Variants in C19orf38 observed in about 807,000 individuals in gnomAD.
The protein encoded by C19orf38 is protein HIDE1.
C19orf38 carries 14 observed loss-of-function variants against 26.6 expected under a neutral mutation model. The observed-to-expected ratio is 0.53, with a 90% CI of 0.35 to 0.82. C19orf38 has a LOEUF of 0.82. Ranked by LOEUF, C19orf38 falls within the 40% of genes least tolerant of loss-of-function variation. The pLI is 0.01. For missense variants in C19orf38, 261 were observed against 299.5 expected, an observed-to-expected ratio of 0.87 and a Z score of 0.95; for synonymous variants, 132 against 128.5, an observed-to-expected ratio of 1.03 and a Z score of -0.18.
At chr19:10,866,357 A>AT (rs71164128) in intron 6 of C19orf38, among the ~76,000 whole-genome samples, 29,699 of 125,574 alleles carry the variant, frequency 0.24, 3,808 homozygotes, top group Non-Finnish European at 0.3. Flanking sequence ...TGCCCAGCTA[A>AT]TTTTTTTTTT....
At chr19:10,857,706 C>A (rs1304804084) in intron 3 of C19orf38, among the ~76,000 whole-genome samples, 1 of 151,280 alleles carries the variant, frequency 6.6e-6, no homozygotes, top group Non-Finnish European at 1.5e-5. Flanking sequence ...TATGGTGAAA[C>A]CCCATCTCTA....
chr19:10,867,988 G>A (rs1195893652), intron 6 of C19orf38, among the ~76,000 whole-genome samples: 1 of 152,068 alleles, frequency 6.6e-6, no homozygotes, highest in African/African-American at 2.4e-5. Flanking sequence ...ATATTGTGTT[G>A]TATGGATACA....
intron 6 of C19orf38, among the ~76,000 whole-genome samples, chr19:10,867,619 G>GA (rs1193241167): frequency 1.3e-4 from 9 of 70,842 alleles, no homozygotes; most frequent in East Asian, 4.7e-4. Context: ...CTCCATCTCA[G>GA]AAAAAAAAAA....
At chr19:10,849,067 T>G (rs1380479643) in intron 1 of C19orf38, among the ~76,000 whole-genome samples, 1 of 151,914 alleles carries the variant, frequency 6.6e-6, no homozygotes, top group Non-Finnish European at 1.5e-5. Flanking sequence ...GAGATAAAAG[T>G]CCTCTGCCCT....
chr19:10,860,144 C>T (rs2073681182), intron 5 of C19orf38, 186 bp downstream of exon 5: 1 of 622,746 alleles, frequency 1.6e-6, no homozygotes, highest in Admixed American at 2.7e-5. Context: ...TAAAGGTCAC[C>T]TCCTCTGGGA....
At chr19:10,868,337 CTG>C (rs2073772535) in intron 6 of C19orf38, among the ~76,000 whole-genome samples, 1 of 152,150 alleles carries the variant, frequency 6.6e-6, no homozygotes, top group Non-Finnish European at 1.5e-5. Context: ...AGGGACAGGA[CTG>C]TGGGTGGAAC....
At chr19:10,859,850 G>T (rs1012747420) in intron 4 of C19orf38, 65 bp from the exon 5 acceptor site, 3 of 1,469,852 alleles carry the variant, frequency 2.0e-6, no homozygotes, top group Admixed American at 3.9e-5. Flanking sequence ...GGGCTTTCCC[G>T]ATCAAGCCTC....
chr19:10,837,447 G>A (rs1221208277), intron 1 of C19orf38, among the ~76,000 whole-genome samples: 1 of 144,714 alleles, frequency 6.9e-6, no homozygotes, highest in Non-Finnish European at 1.5e-5. Context: ...TGAAGTAACA[G>A]TGGAGAACGG....
At chr19:10,860,382 A>T (rs2073685049) in intron 5 of C19orf38, among the ~76,000 whole-genome samples, 1 of 151,480 alleles carries the variant, frequency 6.6e-6, no homozygotes, top group Admixed American at 6.6e-5. Flanking sequence ...AAATACAAAA[A>T]AATTAGCAGG....
chr19:10,854,190 G>A (rs1406197155), intron 2 of C19orf38, among the ~76,000 whole-genome samples: 1 of 151,792 alleles, frequency 6.6e-6, no homozygotes, highest in Non-Finnish European at 1.5e-5. Context: ...AGCCTCCCGA[G>A]TAGCTGGGAC....
chr19:10,869,034 C>T (rs868635581), intron 6 of C19orf38, among the ~76,000 whole-genome samples, 184 bp from the exon 7 acceptor site: 29 of 151,752 alleles, frequency 1.9e-4, no homozygotes, highest in African/African-American at 6.5e-4. Flanking sequence ...TCCATGCTCT[C>T]TGGTCCCCAG....
At chr19:10,840,322 T>TTTTTG (rs1305596418) in intron 1 of C19orf38, among the ~76,000 whole-genome samples, 3 of 152,140 alleles carry the variant, frequency 2.0e-5, no homozygotes, top group South Asian at 2.1e-4. Flanking sequence ...TGCATTTTGT[T>TTTTTG]TTTTGTTTTG....
chr19:10,841,943 T>C (rs898959401), intron 1 of C19orf38: 22 of 1,609,248 alleles, frequency 1.4e-5, no homozygotes, highest in Non-Finnish European at 1.8e-5. Context: ...TTGTCACGAA[T>C]GGGAAGCCAA....
intron 1 of C19orf38, among the ~76,000 whole-genome samples, chr19:10,837,591 C>T (rs965617053): frequency 2.2e-4 from 32 of 146,342 alleles, no homozygotes; most frequent in African/African-American, 7.9e-4. Flanking sequence ...ACTGCAACCT[C>T]CGTCTCCTGG....
intron 2 of C19orf38, 39 bp downstream of exon 2, chr19:10,850,606 A>C: frequency 1.3e-6 from 2 of 1,540,850 alleles, no homozygotes; most frequent in South Asian, 2.4e-5. Flanking sequence ...CGGGGGCTTA[A>C]TTTTCTCACA....
At chr19:10,849,801 C>T (rs979811449) in intron 1 of C19orf38, among the ~76,000 whole-genome samples, 2 of 152,096 alleles carry the variant, frequency 1.3e-5, no homozygotes, top group Non-Finnish European at 2.9e-5. Context: ...TGGTAGCTCA[C>T]GCCTATAATC....
chr19:10,858,421 GC>G, intron 4 of C19orf38, 78 bp downstream of exon 4: 4 of 1,377,164 alleles, frequency 2.9e-6, no homozygotes, highest in Non-Finnish European at 4.0e-6. Flanking sequence ...GGCACTCCAT[GC>G]CCCCCACAAA....
intron 5 of C19orf38, 88 bp from the exon 6 acceptor site, chr19:10,863,082 T>G: frequency 7.2e-7 from 1 of 1,384,526 alleles, no homozygotes; most frequent in Non-Finnish European, 1.0e-6. Context: ...TGCTTCCCTG[T>G]GGGCTGGGGG....
chr19:10,860,407 A>G (rs181303500), intron 5 of C19orf38, among the ~76,000 whole-genome samples: 3 of 151,218 alleles, frequency 2.0e-5, no homozygotes, highest in East Asian at 3.9e-4. Flanking sequence ...GGTGGCGGAC[A>G]CCTGTAATCC....
Sources: gnomAD v4.1 joint callset for allele counts (sites outside exome capture counted in the v4.1 genomes callset) on GRCh38, gnomAD v4.1.1 for gene constraint, MANE v1.5 for transcripts, NCBI Gene and HGNC (gene_info 2026-07-23, HGNC 2026-07-21) for gene names.